CACNA1A: variants seen among roughly 807,000 people sequenced by gnomAD.
CACNA1A encodes the protein voltage-dependent P/Q-type calcium channel subunit alpha-1A.
CACNA1A carries 57 observed loss-of-function variants against 262.4 expected under a neutral mutation model. The observed-to-expected ratio is 0.22, with a 90% CI of 0.18 to 0.27. The LOEUF is 0.27. Ranked by LOEUF, CACNA1A falls within the 10% of genes least tolerant of loss-of-function variation. The probability of loss-of-function intolerance (pLI) is 1.00; values close to 1 mark genes in which losing one functional copy is unlikely to be tolerated. For missense variants in CACNA1A, 2,526 were observed against 3,562.8 expected (o/e 0.71, Z 7.41); for synonymous variants, 1,431 against 1,419.3 (o/e 1.01, Z -0.18).
intron 10 of CACNA1A, among the ~76,000 whole-genome samples, chr19:13,318,431 GGAGGACTTTGGCTTTTACCCTGAGT>G (rs1207836666): frequency 1.3e-5 from 2 of 152,148 alleles, no homozygotes; most frequent in Non-Finnish European, 2.9e-5. Context: ...TGGACCACAA[GGAGGACTTTGGCTTTTACCCTGAGT>G]GAGGGGGGAG....
intron 6 of CACNA1A, among the ~76,000 whole-genome samples, chr19:13,339,649 T>C (rs570705389): frequency 2.6e-4 from 39 of 152,216 alleles, no homozygotes; most frequent in African/African-American, 9.4e-4. Context: ...CTACGCATTA[T>C]ATGCATTGAA....
chr19:13,493,849 C>T (rs1036466226), intron 1 of CACNA1A, among the ~76,000 whole-genome samples: 2 of 152,192 alleles, frequency 1.3e-5, no homozygotes, highest in African/African-American at 4.8e-5. Flanking sequence ...ATATTAACAA[C>T]AGTCTTTTCT....
intron 1 of CACNA1A, among the ~76,000 whole-genome samples, chr19:13,465,224 T>C (rs1182805806): frequency 1.3e-5 from 2 of 152,054 alleles, no homozygotes; most frequent in Non-Finnish European, 2.9e-5. Context: ...AGCCACCGCG[T>C]CCAGCCTTAG....
At position 13,214,184 on chromosome 19, in the gene CACNA1A, C is replaced by T. The variant is rs1439753949; in HGVS notation, c.5940+49G>A. The T allele has an allele frequency of 1.4e-6, 2 of 1,468,822 alleles. No homozygotes were observed. Among genetic ancestry groups the T allele is most frequent in the East Asian group, 2.4e-5 (1 of 42,400 alleles). 91.0% of individuals were successfully genotyped at this position (1,468,822 alleles called of 1,614,324 possible). A position where few individuals can be genotyped will look rare whatever the true frequency, so the allele number is the denominator to read the frequency against. On this transcript the variant is annotated intron_variant, in intron 40 of 46. Transcript: ENST00000360228. The surrounding 1 kb of genome is among the most constrained non-coding windows in gnomAD (Gnocchi z 4.1). ...TCCAGTTGGTTCCCGTGGTGACATG[C>T]AAGCCACTGTCCCCAGCCCAGATGT...
chr19:13,352,403 CAAAA>C (rs202072454), intron 6 of CACNA1A, among the ~76,000 whole-genome samples: 2 of 82,612 alleles, frequency 2.4e-5, no homozygotes, highest in Non-Finnish European at 2.5e-5. Context: ...GACTCCATCT[CAAAA>C]AAAAAAAAAA....
chr19:13,424,990 T>C (rs554607909), intron 3 of CACNA1A, among the ~76,000 whole-genome samples: 6 of 151,698 alleles, frequency 4.0e-5, no homozygotes, highest in Admixed American at 2.6e-4. Flanking sequence ...ATCTTTAGTA[T>C]AGATGGGGTT....
chr19:13,221,871 G>C (rs186320059), intron 38 of CACNA1A, among the ~76,000 whole-genome samples: 1 of 151,968 alleles, frequency 6.6e-6, no homozygotes, highest in African/African-American at 2.4e-5. Flanking sequence ...AGTGAGCCCT[G>C]AGCTAGGTCT....
At chr19:13,359,908 C>T (rs1022556160) in intron 5 of CACNA1A, 109 bp from the exon 6 acceptor site, 54 of 657,272 alleles carry the variant, frequency 8.2e-5, no homozygotes, top group Non-Finnish European at 1.3e-4. Flanking sequence ...ACTTTTGGGA[C>T]AAACGTGATC....
chr19:13,353,299 G>GTTTT (rs57554463), intron 6 of CACNA1A, among the ~76,000 whole-genome samples: 1 of 135,082 alleles, frequency 7.4e-6, no homozygotes. Context: ...TTGTATTTTT[G>GTTTT]TTTTTTTTTT....
Position 13,259,648 on chromosome 19 carries a change from C to T in CACNA1A, c.4304G>A (p.Trp1435Ter). ...GTCGTAATGGAATTCATACTTCTTC[C>T]ACTCCCGGTCTCGCGCCTTCACCTC... ...KNEVKARDREWKKYEFHYDNV... is the reference protein window; with the variant it reads ...KNEVKARDRE The change falls in exon 27 of 47, where the codon TGG (tryptophan) becomes TAG (stop). Residue 1435 changes from tryptophan to a stop codon, truncating the protein, a stop_gained. Coordinates refer to ENST00000360228, the MANE Select transcript of CACNA1A (RefSeq NM_001127222.2). LOFTEE classifies it high-confidence loss of function. 6.2e-7 allele frequency: 1 copy of T among 1,610,684 alleles called. No homozygotes were observed.
At chr19:13,272,936 G>A (rs1421189139) in intron 24 of CACNA1A, 3 of 152,028 alleles carry the variant, frequency 2.0e-5, no homozygotes, top group African/African-American at 7.2e-5. Flanking sequence ...GGTGATAGAG[G>A]GGGAGAAAAG....
In CACNA1A at chr19:13,505,780, A is replaced by C. The variant is rs539242588; in HGVS notation, c.293+152T>G. The C allele has an allele frequency of 2.7e-4, 200 of 742,818 alleles. 1 individual carries two copies. In the African/African-American group the frequency reaches 3.2e-3, roughly 12 times the overall value. 46.0% of individuals were successfully genotyped at this position (742,818 alleles called of 1,614,324 possible). ...GCTCGGGGTGGAGAGATTCTTTCAC[A>C]CTCCTCCCGGTGCCCCCTCTCCCAG... On this transcript the variant is annotated intron_variant, in intron 1 of 46. Transcript: ENST00000360228.
At chr19:13,476,020 A>G (rs1373153706) in intron 1 of CACNA1A, among the ~76,000 whole-genome samples, 1 of 152,172 alleles carries the variant, frequency 6.6e-6, no homozygotes. Flanking sequence ...AGAAACTTGT[A>G]CACTTCTTGT....
Position 13,266,045 on chromosome 19 carries a change from T to C in CACNA1A, c.3990-3212A>G, listed in dbSNP as rs2144786931. Reference sequence around the variant, plus strand: ...TTTTAGTAGAGACGGGGTTTCTCCATGTTGGTCAGGCTGGTCTCGAACTCC... The same window carrying C: ...TTTTAGTAGAGACGGGGTTTCTCCACGTTGGTCAGGCTGGTCTCGAACTCC... On this transcript the variant is annotated intron_variant, in intron 24 of 46. Transcript: ENST00000360228. Among the ~76,000 whole-genome samples the C allele has an allele frequency of 1.3e-5, 2 of 152,184 alleles. 1 individual carries two copies. Among genetic ancestry groups the C allele is most frequent in the South Asian group, 4.2e-4 (2 of 4,816 alleles).
At chr19:13,268,079 AAAAC>A (rs1434310381) in intron 24 of CACNA1A, among the ~76,000 whole-genome samples, 8 of 152,198 alleles carry the variant, frequency 5.3e-5, no homozygotes, top group East Asian at 2.0e-4. Flanking sequence ...TCTGTCTCTT[AAAAC>A]AAACAACCAA....
At chr19:13,405,330 C>A (rs775658680) in intron 3 of CACNA1A, among the ~76,000 whole-genome samples, 24 of 152,188 alleles carry the variant, frequency 1.6e-4, no homozygotes, top group Non-Finnish European at 3.4e-4. Context: ...GTAGCTGGAA[C>A]TACAGGTATG....
At chr19:13,456,021 A>G (rs2144951561) in intron 1 of CACNA1A, among the ~76,000 whole-genome samples, 1 of 151,270 alleles carries the variant, frequency 6.6e-6, no homozygotes, top group East Asian at 2.0e-4. Context: ...GTGGTGGTAC[A>G]CACCTGTAGT....
chr19:13,207,586 G>A lies in CACNA1A; in HGVS notation c.7248C>T (p.Asp2416=), dbSNP rs1421457173. The A allele has an allele frequency of 2.0e-6, 3 of 1,480,482 alleles. No individual in the cohort carries two copies. The highest frequency in any genetic ancestry group is 4.5e-5 in the Admixed American group (2 of 44,744). 91.7% of individuals were successfully genotyped at this position (1,480,482 alleles called of 1,614,324 possible). The change falls in exon 47 of 47, where the codon GAC becomes GAT. Residue 2416 remains aspartate (D), a synonymous_variant. Transcript: ENST00000360228. This position sits in a 1 kb window ranked among gnomAD's most constrained non-coding sequence, Gnocchi z 5.7. Reference sequence around the variant, plus strand: ...CCCCGCTGCCCGGGCCATCGGCCTCGTCGTAGTCGGAGCCCCGGTAGTAGC... The same window carrying A: ...CCCCGCTGCCCGGGCCATCGGCCTCATCGTAGTCGGAGCCCCGGTAGTAGC... ...HHGYYRGSDY[D]EADGPGSGGG...
At chr19:13,455,884 A>C (rs1229062214) in intron 1 of CACNA1A, among the ~76,000 whole-genome samples, 2 of 151,130 alleles carry the variant, frequency 1.3e-5, no homozygotes, top group Non-Finnish European at 3.0e-5. Flanking sequence ...AAAAAAAAAA[A>C]AAAAGAGATA....
Sources: allele counts gnomAD v4.1 joint callset (sites outside exome capture counted in the v4.1 genomes callset), GRCh38; gene constraint gnomAD v4.1.1; non-coding constraint Gnocchi (gnomAD v3.1); transcripts MANE v1.5; gene names NCBI Gene and HGNC (gene_info 2026-07-23, HGNC 2026-07-21).